RAB33B: variants seen among roughly 807,000 people sequenced by gnomAD.
The protein encoded by RAB33B is ras-related protein Rab-33B.
RAB33B carries 6 observed loss-of-function variants against 15.0 expected under a neutral mutation model. The observed-to-expected ratio is 0.40, with a 90% confidence interval of 0.22 to 0.79. The LOEUF (loss-of-function observed/expected upper bound fraction) is 0.79, where lower values mean the gene tolerates loss of function less well. Ranked by LOEUF, RAB33B falls within the 30% of genes least tolerant of loss-of-function variation. The pLI, the probability that RAB33B is intolerant of heterozygous loss-of-function variation, is 0.37. For synonymous variants in RAB33B, 117 were observed against 108.3 expected, an observed-to-expected ratio of 1.08 and a Z score of -0.50; for missense variants, 257 against 296.4, an observed-to-expected ratio of 0.87 and a Z score of 0.98.
the RAB33B span, among the ~76,000 whole-genome samples, chr4:139,445,626 A>G: frequency 1.3e-5 from 2 of 152,192 alleles, no homozygotes; most frequent in Non-Finnish European, 1.5e-5. Flanking sequence ...TTTGGAGGCA[A>G]CACATTCCTC....
chr4:139,461,278 G>A (rs543153476), intron 1 of RAB33B, among the ~76,000 whole-genome samples: 300 of 152,248 alleles, frequency 2.0e-3, no homozygotes, highest in Non-Finnish European at 3.1e-3. Context: ...AAGCAGGGGA[G>A]GGCCGATTCC....
intron 1 of RAB33B, among the ~76,000 whole-genome samples, chr4:139,461,697 A>G (rs1309389497): frequency 6.6e-6 from 1 of 152,192 alleles, no homozygotes; most frequent in African/African-American, 2.4e-5. Flanking sequence ...TTTTTCCTCT[A>G]AGGTGATAAC....
chr4:139,458,701 A>G (rs1432499842), intron 1 of RAB33B, among the ~76,000 whole-genome samples: 1 of 152,226 alleles, frequency 6.6e-6, no homozygotes, highest in Non-Finnish European at 1.5e-5. Context: ...GCTATTGTAA[A>G]TAGTGCTGTC....
Position 139,473,871 on chromosome 4 carries a change from T to C in RAB33B, c.*745T>C, listed in dbSNP as rs1750446299. The stretch of plus-strand genomic sequence containing the variant: ...ATCAGATCTACAAAAATCATTATTA[T>C]TTTAAAAGAGTTATTTGAGTTTCTT... On this transcript the variant is annotated 3_prime_UTR_variant, in exon 2 of 2. Transcript: ENST00000305626. The C allele has an allele frequency of 6.6e-6, 1 of 151,890 alleles. No homozygotes were observed. Among genetic ancestry groups the C allele is most frequent in the South Asian group, 2.1e-4 (1 of 4,824 alleles). The allele number at this position is 151,890 out of a possible 1,614,324, so 9.4% of individuals were successfully genotyped here.
chr4:139,473,863 CAT>C lies in RAB33B; in HGVS notation c.*738_*739del, dbSNP rs1402766229. The C allele has an allele frequency of 6.8e-6, 1 of 147,604 alleles. No homozygotes were observed. The allele number at this position is 147,604 out of a possible 1,614,324, so 9.1% of individuals were successfully genotyped here. A position where few individuals can be genotyped will look rare whatever the true frequency, so the allele number is the denominator to read the frequency against. ...TAATACTTATCAGATCTACAAAAAT[CAT>C]TATTATTTTAAAAGAGTTATTTGAG... is the stretch of plus-strand genomic sequence containing the variant. On this transcript the variant is annotated 3_prime_UTR_variant, in exon 2 of 2. Transcript: ENST00000305626.
chr4:139,466,076 C>G (rs939175681), intron 1 of RAB33B, among the ~76,000 whole-genome samples: 1 of 152,146 alleles, frequency 6.6e-6, no homozygotes, highest in African/African-American at 2.4e-5. Context: ...AACTCCTGAG[C>G]TCAAGTAATC....
Position 139,473,070 on chromosome 4 carries a change from G to C in RAB33B, c.634G>C (p.Asp212His), listed in dbSNP as rs1436649466. Residue 212 changes from aspartate to histidine, a missense_variant, in exon 2 of 2, where the codon GAT becomes CAT. Asp to His is a moderately conservative substitution (Grantham distance 81). Coordinates refer to ENST00000305626, the MANE Select transcript of RAB33B (RefSeq NM_031296.3). ...HKPLMLSQPP[D>H]NGIILKPEPK... ...ACCATTAATGCTTAGTCAGCCCCCT[G>C]ATAATGGAATTATCCTGAAGCCTGA... The C allele has an allele frequency of 6.2e-7, 1 of 1,613,860 alleles. No homozygotes were observed. The highest frequency in any genetic ancestry group is 2.2e-5 in the East Asian group (1 of 44,882).
rs372150803 is a variant in RAB33B at position 139,472,678 on chromosome 4, A to G, written c.250-8A>G. On this transcript the variant is annotated splice_region_variant and splice_polypyrimidine_tract_variant and intron_variant, in intron 1 of 1. Coordinates refer to ENST00000305626, the MANE Select transcript of RAB33B (RefSeq NM_031296.3). ...TTTCAGTTTTCCTCTTTTTCTTCCC[A>G]TTTTTAGATCCAGCTATGGGACACA... The G allele has an allele frequency of 7.0e-6, 11 of 1,566,488 alleles. No individual in the cohort carries two copies. The highest frequency in any genetic ancestry group is 9.5e-6 in the Non-Finnish European group (11 of 1,154,290).
Position 139,474,440 on chromosome 4 carries a change from C to G in RAB33B, c.*1314C>G, listed in dbSNP as rs1750461449. ...TCAAGCAGTGTATCCCATATGGTAT[C>G]TCTTGCTCTTCCTTCAACTCCAATA... On this transcript the variant is annotated 3_prime_UTR_variant, in exon 2 of 2. Transcript: ENST00000305626. The G allele has an allele frequency of 6.6e-6, 1 of 152,216 alleles. No individual in the cohort carries two copies. The highest frequency in any genetic ancestry group is 2.4e-5 in the African/African-American group (1 of 41,456). The allele number at this position is 152,216 out of a possible 1,614,324, so 9.4% of individuals were successfully genotyped here.
In RAB33B at chr4:139,454,366, C is replaced by T. The variant is rs905629538; in HGVS notation, c.171C>T (p.Arg57=). The T allele has an allele frequency of 1.2e-6, 2 of 1,613,978 alleles. No homozygotes were observed. The highest frequency in any genetic ancestry group is 8.5e-7 in the Non-Finnish European group (1 of 1,180,010). ...TGACCTACCGCTTCTGCGCTGGCCGCTTCCCCGACCGCACCGAGGCCACGA... is the reference window on the plus strand; with the variant it reads ...TGACCTACCGCTTCTGCGCTGGCCGTTTCCCCGACCGCACCGAGGCCACGA... The part of the protein sequence containing the change: ...TCLTYRFCAG[R]FPDRTEATIG... The change falls in exon 1 of 2, where the codon CGC becomes CGT. Residue 57 remains arginine (R), a synonymous_variant. Transcript: ENST00000305626.
chr4:139,472,019 A>G (rs1750401854), intron 1 of RAB33B, among the ~76,000 whole-genome samples: 3 of 152,186 alleles, frequency 2.0e-5, no homozygotes, highest in Non-Finnish European at 2.9e-5. Flanking sequence ...CCATAGATAT[A>G]TGGGTTCACT....
At chr4:139,443,043 A>C in the RAB33B span, among the ~76,000 whole-genome samples, 1 of 150,860 alleles carries the variant, frequency 6.6e-6, no homozygotes, top group Non-Finnish European at 1.5e-5. Context: ...CCCAGGCTGG[A>C]GTGCAGTGGC....
the RAB33B span, among the ~76,000 whole-genome samples, chr4:139,440,536 CAT>C: frequency 5.3e-5 from 8 of 152,094 alleles, no homozygotes; most frequent in African/African-American, 1.9e-4. Context: ...ACTCTAGGAA[CAT>C]GTGCACAGCT....
rs1386576264 is a variant in RAB33B, at chr4:139,473,404, A to G, written c.*278A>G. Reference sequence around the variant, plus strand: ...AATGAAGGAAGCTTCAAATGAGAACATGATGGAATCAGTAACCATTCAATC... The same window carrying G: ...AATGAAGGAAGCTTCAAATGAGAACGTGATGGAATCAGTAACCATTCAATC... On this transcript the variant is annotated 3_prime_UTR_variant, in exon 2 of 2. Coordinates refer to ENST00000305626, the MANE Select transcript of RAB33B (RefSeq NM_031296.3). The G allele has an allele frequency of 7.4e-6, 3 of 408,002 alleles. No individual in the cohort carries two copies. Among genetic ancestry groups the G allele is most frequent in the Admixed American group, 4.1e-5 (1 of 24,566 alleles). The allele number at this position is 408,002 out of a possible 1,614,324, so 25.3% of individuals were successfully genotyped here.
Position 139,473,280 on chromosome 4 carries a change from A to G in RAB33B, c.*154A>G. ...CGCTTTTGTATTTTGTATCTACTTAAGTTTGTCACTGTGACAACACAGGAA... is the reference window on the plus strand; with the variant it reads ...CGCTTTTGTATTTTGTATCTACTTAGGTTTGTCACTGTGACAACACAGGAA... On this transcript the variant is annotated 3_prime_UTR_variant, in exon 2 of 2. Transcript: ENST00000305626. 1.4e-6 allele frequency: 1 copy of G among 723,022 alleles called. No individual in the cohort carries two copies. The highest frequency in any genetic ancestry group is 2.2e-6 in the Non-Finnish European group (1 of 464,252). 44.8% of individuals were successfully genotyped at this position (723,022 alleles called of 1,614,324 possible). A position where few individuals can be genotyped will look rare whatever the true frequency, so the allele number is the denominator to read the frequency against.
intron 1 of RAB33B, among the ~76,000 whole-genome samples, chr4:139,468,505 G>A (rs1750332347): frequency 6.6e-6 from 1 of 152,082 alleles, no homozygotes; most frequent in Non-Finnish European, 1.5e-5. Flanking sequence ...ATATCTTATT[G>A]TATTGATTAT....
Position 139,475,716 on chromosome 4 carries a change from G to A in RAB33B, c.*2590G>A, listed in dbSNP as rs1305644545. On this transcript the variant is annotated 3_prime_UTR_variant, in exon 2 of 2. Transcript: ENST00000305626. ...AATAAATAATTAAAATATCAGACAT[G>A]TTTTGGAAAAGTCTTAATTTGAGAA... The A allele has an allele frequency of 1.3e-5, 2 of 152,018 alleles. No individual in the cohort carries two copies. Among genetic ancestry groups the A allele is most frequent in the African/African-American group, 2.4e-5 (1 of 41,420 alleles). 9.4% of individuals were successfully genotyped at this position (152,018 alleles called of 1,614,324 possible).
chr4:139,440,680 T>G, the RAB33B span, among the ~76,000 whole-genome samples: 63 of 152,100 alleles, frequency 4.1e-4, 1 homozygote, highest in African/African-American at 1.4e-3. Flanking sequence ...TGAGGTGATC[T>G]TGGCTCACTG....
chr4:139,452,894 T>G (rs1182251569), upstream of RAB33B: 1 of 152,220 alleles, frequency 6.6e-6, no homozygotes, highest in Non-Finnish European at 1.5e-5. Context: ...AGTCCTTGAC[T>G]TTCCCAATGG....
Sources: allele counts gnomAD v4.1 joint callset (sites outside exome capture counted in the v4.1 genomes callset), GRCh38; gene constraint gnomAD v4.1.1; transcripts MANE v1.5; gene names NCBI Gene and HGNC (gene_info 2026-07-23, HGNC 2026-07-21).